The following TRPM6 variants were observed in gnomAD, a reference collection of about 807,000 sequenced individuals.
The protein encoded by TRPM6 is channel kinase 2.
Under a neutral mutation model 247.6 loss-of-function variants are expected in TRPM6, and 111 were observed. The ratio of observed to expected loss-of-function variants is 0.45; its 90% CI spans 0.38 to 0.52. The LOEUF (loss-of-function observed/expected upper bound fraction) is 0.52. Ranked by LOEUF, TRPM6 falls within the 20% of genes least tolerant of loss-of-function variation. The pLI, the probability that TRPM6 is intolerant of heterozygous loss-of-function variation, is 0.00. For synonymous variants in TRPM6, 892 were observed against 853.8 expected (o/e 1.04, Z -0.78); for missense variants, 2,126 against 2,421.5 (o/e 0.88, Z 2.56).
At chr9:74,798,909 A>C (rs753221125) in intron 17 of TRPM6, among the ~76,000 whole-genome samples, 7 of 152,212 alleles carry the variant, frequency 4.6e-5, no homozygotes, top group African/African-American at 7.2e-5. Context: ...TTAAGTTCTC[A>C]GAAATAAGGA....
At chr9:74,784,625 C>T (rs555739250) in intron 21 of TRPM6, among the ~76,000 whole-genome samples, 2 of 152,244 alleles carry the variant, frequency 1.3e-5, no homozygotes, top group Admixed American at 6.5e-5. Context: ...ACATGAATCT[C>T]GTCCTTGGGA....
chr9:74,783,217 T>C (rs1270855897), intron 21 of TRPM6, among the ~76,000 whole-genome samples: 1 of 152,234 alleles, frequency 6.6e-6, no homozygotes, highest in Admixed American at 6.5e-5. Context: ...ATTGTTGAAT[T>C]AGTCCAATGG....
At chr9:74,866,405 C>T (rs1278748436) in intron 1 of TRPM6, among the ~76,000 whole-genome samples, 3 of 152,102 alleles carry the variant, frequency 2.0e-5, no homozygotes, top group Admixed American at 6.6e-5. Context: ...GAGAGAAAAA[C>T]AGTTTTAATA....
At chr9:74,873,931 T>C (rs1386428659) in intron 1 of TRPM6, among the ~76,000 whole-genome samples, 1 of 151,898 alleles carries the variant, frequency 6.6e-6, no homozygotes, top group African/African-American at 2.4e-5. Flanking sequence ...AAAAAGATGT[T>C]TTAATAGAAT....
At position 74,788,753 on chromosome 9, in the gene TRPM6, G is replaced by A. The variant is rs780637840; in HGVS notation, c.2539-11C>T. On this transcript the variant is annotated splice_polypyrimidine_tract_variant and intron_variant, in intron 19 of 38. Coordinates refer to ENST00000360774, the MANE Select transcript of TRPM6 (RefSeq NM_017662.5). ...TGCCAAATACGCCATCTGTGAGGGGGACACACATTCCCCAGATGTGAGTGA... is the reference window on the plus strand; with the variant it reads ...TGCCAAATACGCCATCTGTGAGGGGAACACACATTCCCCAGATGTGAGTGA... The A allele has an allele frequency of 1.4e-5, 23 of 1,613,370 alleles. 1 individual carries two copies. In the South Asian group the frequency reaches 2.0e-4, roughly 14 times the overall value.
In TRPM6 at chr9:74,782,577, T is replaced by C. The variant is rs781774472; in HGVS notation, c.3095-101A>G. 161 of 1,505,902 alleles carry C rather than the reference T, an allele frequency of 1.1e-4. 1 individual carries two copies. The highest frequency in any genetic ancestry group is 1.4e-4 in the Non-Finnish European group (157 of 1,083,304). The allele number at this position is 1,505,902 out of a possible 1,614,324, so 93.3% of individuals were successfully genotyped here. A position where few individuals can be genotyped will look rare whatever the true frequency, so the allele number is the denominator to read the frequency against. On this transcript the variant is annotated intron_variant, in intron 22 of 38. Transcript: ENST00000360774. ...CATTAACTGCACAGAATACCATAAA[T>C]TCAAACATTTTTAAGATTTAGATGA... is the stretch of plus-strand genomic sequence containing the variant.
intron 6 of TRPM6, 26 bp from the exon 7 acceptor site, chr9:74,827,975 G>T (rs764508903): frequency 6.2e-7 from 1 of 1,612,332 alleles, no homozygotes; most frequent in Non-Finnish European, 8.5e-7. Flanking sequence ...GACAAGGGAG[G>T]GTCAGAGCTC....
intron 21 of TRPM6, 82 bp from the exon 22 acceptor site, chr9:74,782,935 T>A: frequency 7.8e-7 from 1 of 1,290,214 alleles, no homozygotes. Context: ...CCATCATAAC[T>A]ATACCTGCAA....
intron 21 of TRPM6, 109 bp downstream of exon 21, chr9:74,785,765 C>A: frequency 8.2e-7 from 1 of 1,224,110 alleles, no homozygotes. Context: ...CCTTGTGATC[C>A]GCCCGCCTTG....
intron 27 of TRPM6, among the ~76,000 whole-genome samples, chr9:74,756,681 C>CAAAAAAA (rs1217543421): frequency 0.086 from 4,417 of 51,558 alleles, 252 homozygotes; most frequent in East Asian, 0.15. Flanking sequence ...CCCGTCTCTA[C>CAAAAAAA]AAAAAAAAAA....
intron 37 of TRPM6, among the ~76,000 whole-genome samples, chr9:74,731,157 T>C (rs1461932405): frequency 6.6e-6 from 1 of 152,208 alleles, no homozygotes; most frequent in Admixed American, 6.5e-5. Context: ...TGGGATAATA[T>C]AATCTTAGAA....
At chr9:74,838,215 C>T (rs750604956) in intron 5 of TRPM6, among the ~76,000 whole-genome samples, 1 of 152,180 alleles carries the variant, frequency 6.6e-6, no homozygotes, top group African/African-American at 2.4e-5. Context: ...GCACGACATG[C>T]AGTTAGTTAT....
intron 23 of TRPM6, among the ~76,000 whole-genome samples, chr9:74,782,130 C>T (rs1827483443): frequency 6.6e-6 from 1 of 152,130 alleles, no homozygotes; most frequent in East Asian, 1.9e-4. Flanking sequence ...TGCAGGGGGT[C>T]CTAGAACAAG....
intron 31 of TRPM6, among the ~76,000 whole-genome samples, chr9:74,746,165 G>A (rs1787231043): frequency 6.6e-6 from 1 of 151,914 alleles, no homozygotes; most frequent in African/African-American, 2.4e-5. Context: ...CATGAACCCA[G>A]GAGGCAGAGC....
At chr9:74,753,516 T>C (rs1165131226) in intron 28 of TRPM6, among the ~76,000 whole-genome samples, 1 of 152,084 alleles carries the variant, frequency 6.6e-6, no homozygotes, top group African/African-American at 2.4e-5. Flanking sequence ...GGTAACATAG[T>C]GAGACCCCCA....
Position 74,763,136 on chromosome 9 carries a change from T to G in TRPM6, c.3537-2A>C. 1 of 1,608,456 alleles carries G rather than the reference T, an allele frequency of 6.2e-7. No homozygotes were observed. Among genetic ancestry groups the G allele is most frequent in the Non-Finnish European group, 8.5e-7 (1 of 1,179,930 alleles). ...AGCTGGAAGTACATCTCTGTAACCC[T>G]AGTGGTGAAGGAAGGGAGAAAACCA... On this transcript the variant is annotated splice_acceptor_variant, in intron 25 of 38. Coordinates refer to ENST00000360774, the MANE Select transcript of TRPM6 (RefSeq NM_017662.5). LOFTEE classifies it high-confidence loss of function.
intron 11 of TRPM6, among the ~76,000 whole-genome samples, chr9:74,815,515 A>T (rs1185439584): frequency 2.0e-5 from 3 of 152,332 alleles, no homozygotes; most frequent in African/African-American, 7.2e-5. Flanking sequence ...AGACAAGGAC[A>T]TAGAAGACAT....
chr9:74,847,115 T>C (rs1830135630), intron 3 of TRPM6, among the ~76,000 whole-genome samples: 1 of 152,210 alleles, frequency 6.6e-6, no homozygotes. Flanking sequence ...TAACTGAAAA[T>C]GGCTGACAAT....
At chr9:74,803,390 T>TA (rs933745267) in intron 15 of TRPM6, among the ~76,000 whole-genome samples, 4 of 152,110 alleles carry the variant, frequency 2.6e-5, no homozygotes, top group Admixed American at 6.5e-5. Context: ...AAAAAATTTT[T>TA]AAAAAAAGAT....
Sources: gnomAD v4.1 joint callset for allele counts (sites outside exome capture counted in the v4.1 genomes callset) on GRCh38, gnomAD v4.1.1 for gene constraint, MANE v1.5 for transcripts, NCBI Gene and HGNC (gene_info 2026-07-23, HGNC 2026-07-21) for gene names.